NTN1: variants seen among roughly 807,000 people sequenced by gnomAD.
The protein encoded by NTN1 is netrin 1.
Under a neutral mutation model 54.2 loss-of-function variants are expected in NTN1, and 11 were observed. That is an observed-to-expected ratio of 0.20 (90% CI 0.13 to 0.34). The LOEUF (loss-of-function observed/expected upper bound fraction) is 0.34, where lower values mean the gene tolerates loss of function less well. Among genes scored for constraint, NTN1 ranks in the 10% least tolerant of loss-of-function variants. NTN1 has a pLI of 1.00. For synonymous variants in NTN1, 371 were observed against 382.0 expected (o/e 0.97, Z 0.33); for missense variants, 740 against 893.1 (o/e 0.83, Z 2.18).
chr17:9,238,862 G>C (rs573397625), intron 6 of NTN1, among the ~76,000 whole-genome samples: 1 of 152,346 alleles, frequency 6.6e-6, no homozygotes, highest in East Asian at 1.9e-4. Flanking sequence ...GCCTCACCCA[G>C]ATCTGTTCAA....
rs1905129174 is a variant in NTN1, at chr17:9,212,454, G to T, written c.1412-8714G>T. On this transcript the variant is annotated intron_variant, in intron 5 of 6. Transcript: ENST00000173229. This position sits in a 1 kb window ranked among gnomAD's most constrained non-coding sequence, Gnocchi z 5.5. Reference sequence around the variant, plus strand: ...CCGCGGAGATTCCATGCAGCTTTCTGGTTCTAGATCAGGCAGCACCAAACA... The same window carrying T: ...CCGCGGAGATTCCATGCAGCTTTCTTGTTCTAGATCAGGCAGCACCAAACA... 6.6e-6 allele frequency among the ~76,000 whole-genome samples: 1 copy of T among 152,200 alleles called. No individual in the cohort carries two copies. The highest frequency in any genetic ancestry group is 2.4e-5 in the African/African-American group (1 of 41,440).
intron 6 of NTN1, among the ~76,000 whole-genome samples, chr17:9,230,954 C>T (rs1905788967): frequency 6.6e-6 from 1 of 151,972 alleles, no homozygotes; most frequent in Non-Finnish European, 1.5e-5. Context: ...CAGATGGGGA[C>T]ACCAAAGCTC....
chr17:9,148,049 G>A (rs1286371069), intron 2 of NTN1, among the ~76,000 whole-genome samples: 1 of 152,186 alleles, frequency 6.6e-6, no homozygotes, highest in Non-Finnish European at 1.5e-5. Context: ...TGCATGTGAA[G>A]TGGGGGCATG....
intron 3 of NTN1, chr17:9,179,095 G>A (rs1359308847): frequency 6.6e-6 from 1 of 152,322 alleles, no homozygotes; most frequent in Non-Finnish European, 1.5e-5. Context: ...CTCCCAGCCT[G>A]GCCGTTCCCT....
rs771813609 is a variant in NTN1, at chr17:9,023,288, C to G, written c.915C>G (p.Asp305Glu). 1 of 1,555,518 alleles carries G rather than the reference C, an allele frequency of 6.4e-7. No individual in the cohort carries two copies. Among genetic ancestry groups the G allele is most frequent in the South Asian group, 1.2e-5 (1 of 85,726 alleles). The change falls in exon 2 of 7, where the codon GAC (aspartate) becomes GAG (glutamate). Residue 305 changes from aspartate to glutamate, a missense_variant. Physicochemically the swap from Asp to Glu is conservative, Grantham distance 45. Transcript: ENST00000173229. ...VRDRDDSLVC[D>E]CRHNTAGPEC... is the part of the protein sequence containing the mutation. The stretch of plus-strand genomic sequence containing the variant: ...ACCGCGACGACAGCCTGGTGTGCGA[C>G]TGCAGGCACAACACGGCCGGCCCGG...
intron 2 of NTN1, among the ~76,000 whole-genome samples, chr17:9,127,205 AG>A (rs1442206955): frequency 1.3e-5 from 2 of 152,064 alleles, no homozygotes; most frequent in Admixed American, 1.3e-4. Context: ...TGCAGGAGGC[AG>A]GGGTAGAAGC....
intron 2 of NTN1, among the ~76,000 whole-genome samples, chr17:9,158,202 G>A (rs1458032714): frequency 2.0e-5 from 3 of 148,226 alleles, no homozygotes; most frequent in African/African-American, 7.5e-5. Context: ...TTGCCTCAGA[G>A]TTTTCTTTTG....
intron 6 of NTN1, among the ~76,000 whole-genome samples, chr17:9,222,221 C>T (rs1905383174): frequency 6.6e-6 from 1 of 152,252 alleles, no homozygotes; most frequent in Non-Finnish European, 1.5e-5. Flanking sequence ...TCCACATCTG[C>T]CCACCTCCCT....
chr17:9,081,192 G>T (rs2092069744), intron 2 of NTN1, among the ~76,000 whole-genome samples: 1 of 152,168 alleles, frequency 6.6e-6, no homozygotes, highest in Non-Finnish European at 1.5e-5. Flanking sequence ...CACCCAGCTG[G>T]TGTCCATTGC....
chr17:9,036,670 G>C (rs190199215), intron 2 of NTN1, among the ~76,000 whole-genome samples: 113 of 152,266 alleles, frequency 7.4e-4, no homozygotes, highest in Non-Finnish European at 1.2e-3. Context: ...GTTCTCTCCT[G>C]TAAAACGAGG....
chr17:9,181,928 C>G (rs1178865945), intron 4 of NTN1, among the ~76,000 whole-genome samples: 3 of 152,160 alleles, frequency 2.0e-5, no homozygotes, highest in Non-Finnish European at 4.4e-5. Context: ...TTCTTGAGCA[C>G]AGGGTGGGGT....
intron 5 of NTN1, among the ~76,000 whole-genome samples, chr17:9,202,023 T>C (rs564742877): frequency 1.8e-5 from 1 of 56,688 alleles, no homozygotes; most frequent in East Asian, 5.0e-4. Context: ...CCGTCTCTAC[T>C]AAAAATACAC....
At chr17:9,126,529 G>GAC (rs1700640873) in intron 2 of NTN1, among the ~76,000 whole-genome samples, 28 of 152,086 alleles carry the variant, frequency 1.8e-4, no homozygotes, top group Admixed American at 1.2e-3. Context: ...AAGAGAGAGA[G>GAC]AGAGAGAGAT....
the NTN1 span, among the ~76,000 whole-genome samples, chr17:9,014,800 C>T: frequency 1.2e-4 from 19 of 152,204 alleles, no homozygotes; most frequent in Admixed American, 6.5e-4. Context: ...ACAGCTCATA[C>T]TCTTGGTAGA....
chr17:9,219,246 G>A lies in NTN1; in HGVS notation c.1412-1922G>A, dbSNP rs1275345370. 6.6e-6 allele frequency among the ~76,000 whole-genome samples: 1 copy of A among 152,166 alleles called. No individual in the cohort carries two copies. Among genetic ancestry groups the A allele is most frequent in the African/African-American group, 2.4e-5 (1 of 41,432 alleles). On this transcript the variant is annotated intron_variant, in intron 5 of 6. Coordinates refer to ENST00000173229, the MANE Select transcript of NTN1 (RefSeq NM_004822.3). The surrounding 1 kb of genome is among the most constrained non-coding windows in gnomAD (Gnocchi z 4.5). ...CCGTCACTTTCATCCCAACCTCTCA[G>A]GCTTGGCCACAGTAGAGTGAGGGCC...
At chr17:9,126,178 A>C (rs1309889689) in intron 2 of NTN1, among the ~76,000 whole-genome samples, 1 of 152,228 alleles carries the variant, frequency 6.6e-6, no homozygotes, top group African/African-American at 2.4e-5. Context: ...GGTGACCCAG[A>C]CCTACCTCAT....
chr17:9,132,829 G>T (rs1159186000), intron 2 of NTN1, among the ~76,000 whole-genome samples: 1 of 152,056 alleles, frequency 6.6e-6, no homozygotes, highest in Non-Finnish European at 1.5e-5. Flanking sequence ...AGCCCAGATT[G>T]CACCATTGCA....
rs569777229 is a variant in NTN1 at position 9,097,360 on chromosome 17, C to G, written c.1019-65453C>G. The stretch of plus-strand genomic sequence containing the variant: ...TGAAGATATTCTGGGCGCGGTGGCT[C>G]AAGCCTATAATCCCAGCACTTTGGG... On this transcript the variant is annotated intron_variant, in intron 2 of 6. Transcript: ENST00000173229. Among the ~76,000 whole-genome samples, 6 of 152,292 alleles carry G rather than the reference C, an allele frequency of 3.9e-5. No homozygotes were observed. In the East Asian group the frequency reaches 1.2e-3, roughly 29 times the overall value.
chr17:9,078,674 A>G (rs1223406154), intron 2 of NTN1, among the ~76,000 whole-genome samples: 1 of 152,200 alleles, frequency 6.6e-6, no homozygotes, highest in Non-Finnish European at 1.5e-5. Context: ...GGCAACCTGC[A>G]ATGGCAAATA....
Sources: gnomAD v4.1 joint callset for allele counts (sites outside exome capture counted in the v4.1 genomes callset) on GRCh38, gnomAD v4.1.1 for gene constraint, Gnocchi (gnomAD v3.1) non-coding constraint, MANE v1.5 for transcripts, NCBI Gene and HGNC (gene_info 2026-07-23, HGNC 2026-07-21) for gene names.